TSPAN9: variants seen among roughly 807,000 people sequenced by gnomAD.
TSPAN9 encodes tetraspanin-9.
TSPAN9 carries 16 observed loss-of-function variants against 31.0 expected under a neutral mutation model. That is an observed-to-expected ratio of 0.52 (90% CI 0.35 to 0.78). The LOEUF is 0.78. Among genes scored for constraint, TSPAN9 ranks in the 30% least tolerant of loss-of-function variants. The pLI, the probability that TSPAN9 is intolerant of heterozygous loss-of-function variation, is 0.01. For synonymous variants in TSPAN9, 145 were observed against 121.6 expected, an observed-to-expected ratio of 1.19 and a Z score of -1.27; for missense variants, 272 against 312.5, an observed-to-expected ratio of 0.87 and a Z score of 0.98.
chr12:3,242,592 C>G (rs1172914384), intron 3 of TSPAN9, among the ~76,000 whole-genome samples: 1 of 152,236 alleles, frequency 6.6e-6, no homozygotes, highest in Non-Finnish European at 1.5e-5. Context: ...ACTGTCCCTG[C>G]TATCCTCTGC....
intron 2 of TSPAN9, among the ~76,000 whole-genome samples, chr12:3,128,711 A>T (rs953589405): frequency 1.3e-5 from 2 of 152,202 alleles, no homozygotes; most frequent in Admixed American, 6.5e-5. Flanking sequence ...GAAAGACTAA[A>T]CACTTTGAGA....
At chr12:3,163,042 A>T (rs989678049) in intron 2 of TSPAN9, among the ~76,000 whole-genome samples, 11 of 152,138 alleles carry the variant, frequency 7.2e-5, no homozygotes, top group Non-Finnish European at 1.6e-4. Context: ...CTCCAAGTGT[A>T]TTCCCATCCC....
rs543046340 is a variant in TSPAN9, at chr12:3,271,247, A to G, written c.64-7174A>G. Among the ~76,000 whole-genome samples, 27 of 152,316 alleles carry G rather than the reference A, an allele frequency of 1.8e-4. No homozygotes were observed. The South Asian group carries it at 4.3e-3, about 25-fold the overall frequency. ...GGGGTCCAACAGTAATGACCAAGGAATCATGCCATCTGGCTTGAAGTTATG... is the reference window on the plus strand; with the variant it reads ...GGGGTCCAACAGTAATGACCAAGGAGTCATGCCATCTGGCTTGAAGTTATG... On this transcript the variant is annotated intron_variant, in intron 3 of 8. Coordinates refer to ENST00000011898, the MANE Select transcript of TSPAN9 (RefSeq NM_006675.5).
At chr12:3,183,804 G>A (rs1039195772) in intron 2 of TSPAN9, among the ~76,000 whole-genome samples, 15 of 152,202 alleles carry the variant, frequency 9.9e-5, no homozygotes, top group African/African-American at 3.4e-4. Flanking sequence ...CCGGGTTCCA[G>A]TCTACTCGGT....
intron 1 of TSPAN9, among the ~76,000 whole-genome samples, chr12:3,078,637 C>T (rs907907750): frequency 3.9e-5 from 6 of 152,262 alleles, no homozygotes; most frequent in African/African-American, 1.2e-4. Context: ...TTCCTACCCT[C>T]GGCTTGGTCC....
intron 2 of TSPAN9, among the ~76,000 whole-genome samples, chr12:3,122,950 G>A (rs1456418043): frequency 6.6e-6 from 1 of 152,190 alleles, no homozygotes; most frequent in African/African-American, 2.4e-5. Flanking sequence ...CAGGAAACAG[G>A]GATGTCTGTT....
chr12:3,230,590 C>T (rs934956711), intron 3 of TSPAN9, among the ~76,000 whole-genome samples: 1 of 152,192 alleles, frequency 6.6e-6, no homozygotes, highest in East Asian at 1.9e-4. Context: ...TTCAACACTT[C>T]GGAGTGTGGT....
At chr12:3,165,876 C>T (rs975471503) in intron 2 of TSPAN9, among the ~76,000 whole-genome samples, 1 of 152,204 alleles carries the variant, frequency 6.6e-6, no homozygotes, top group Admixed American at 6.5e-5. Context: ...ATCTGTGTCT[C>T]AGCCATGTTC....
At chr12:3,130,926 C>T (rs967966947) in intron 2 of TSPAN9, among the ~76,000 whole-genome samples, 1 of 152,174 alleles carries the variant, frequency 6.6e-6, no homozygotes, top group Non-Finnish European at 1.5e-5. Context: ...AAAGCCCACT[C>T]TCGGGAAGGG....
intron 2 of TSPAN9, among the ~76,000 whole-genome samples, chr12:3,135,638 A>T (rs566176779): frequency 6.8e-4 from 103 of 151,782 alleles, no homozygotes; most frequent in Non-Finnish European, 1.3e-3. Context: ...ACTGATGTTG[A>T]CCACTAGATG....
intron 2 of TSPAN9, among the ~76,000 whole-genome samples, chr12:3,101,852 G>C (rs1285655890): frequency 6.6e-6 from 1 of 152,184 alleles, no homozygotes; most frequent in African/African-American, 2.4e-5. Flanking sequence ...TCCCAGCGAA[G>C]CCTGGCGGCC....
Position 3,283,326 on chromosome 12 carries a change from C to T in TSPAN9, c.*210C>T, listed in dbSNP as rs71577855. 2.8e-4 allele frequency: 154 copies of T among 544,544 alleles called. 1 individual carries two copies. Among genetic ancestry groups the T allele is most frequent in the Admixed American group, 1.2e-3 (35 of 28,512 alleles). 33.7% of individuals were successfully genotyped at this position (544,544 alleles called of 1,614,324 possible). A position where few individuals can be genotyped will look rare whatever the true frequency, so the allele number is the denominator to read the frequency against. ...GCACACGGAGACCTGGGGCTCGGGGCCCCTGGATTCCTGCATCTGCATATG... is the reference window on the plus strand; with the variant it reads ...GCACACGGAGACCTGGGGCTCGGGGTCCCTGGATTCCTGCATCTGCATATG... On this transcript the variant is annotated 3_prime_UTR_variant, in exon 9 of 9. Coordinates refer to ENST00000011898, the MANE Select transcript of TSPAN9 (RefSeq NM_006675.5).
chr12:3,206,456 AC>A (rs1272877966), intron 3 of TSPAN9: 1 of 427,548 alleles, frequency 2.3e-6, no homozygotes, highest in Non-Finnish European at 4.9e-6. Context: ...GCAGGCCTGC[AC>A]CCAGAGCCCT....
At chr12:3,252,118 T>C (rs1862254073) in intron 3 of TSPAN9, among the ~76,000 whole-genome samples, 1 of 151,112 alleles carries the variant, frequency 6.6e-6, no homozygotes, top group Admixed American at 6.6e-5. Flanking sequence ...CCATGAACCA[T>C]GGAGCGCCCC....
chr12:3,085,261 T>A (rs1164557399), intron 2 of TSPAN9, among the ~76,000 whole-genome samples: 5 of 150,800 alleles, frequency 3.3e-5, no homozygotes, highest in African/African-American at 1.2e-4. Context: ...GGAATGACCG[T>A]CCTGCTGTGC....
At chr12:3,148,531 G>A (rs767729184) in intron 2 of TSPAN9, among the ~76,000 whole-genome samples, 2 of 152,210 alleles carry the variant, frequency 1.3e-5, no homozygotes, top group African/African-American at 2.4e-5. Context: ...GGTATGGAAC[G>A]TGGGCAGGGA....
intron 3 of TSPAN9, among the ~76,000 whole-genome samples, chr12:3,264,432 C>G (rs969128569): frequency 2.6e-5 from 4 of 152,228 alleles, no homozygotes; most frequent in Non-Finnish European, 4.4e-5. Flanking sequence ...CAGCAGCTCC[C>G]TGCCAAAAGA....
At chr12:3,180,511 A>G (rs191077977) in intron 2 of TSPAN9, among the ~76,000 whole-genome samples, 2 of 152,224 alleles carry the variant, frequency 1.3e-5, no homozygotes, top group Admixed American at 1.3e-4. Flanking sequence ...TGACCCACTC[A>G]GCCGATTTTA....
chr12:3,243,047 A>T (rs987902421), intron 3 of TSPAN9, among the ~76,000 whole-genome samples: 20 of 152,172 alleles, frequency 1.3e-4, no homozygotes, highest in Admixed American at 1.0e-3. Context: ...TGGGGTGTGG[A>T]TGGTACATTT....
Sources: gnomAD v4.1 joint callset for allele counts (sites outside exome capture counted in the v4.1 genomes callset) on GRCh38, gnomAD v4.1.1 for gene constraint, MANE v1.5 for transcripts, NCBI Gene and HGNC (gene_info 2026-07-23, HGNC 2026-07-21) for gene names.